The following RBFOX1 variants were observed in gnomAD, a reference collection of about 807,000 sequenced individuals.
The protein encoded by RBFOX1 is RNA binding fox-1 homolog 1.
In RBFOX1, 8 loss-of-function variants were observed where a neutral mutation model predicts 57.7. The ratio of observed to expected loss-of-function variants is 0.14; its 90% CI spans 0.08 to 0.25. RBFOX1 has a LOEUF of 0.25. RBFOX1 is among the 10% of genes least tolerant of loss of function. The pLI, the probability that RBFOX1 is intolerant of heterozygous loss-of-function variation, is 1.00. For missense variants in RBFOX1, 611 were observed against 548.5 expected, an observed-to-expected ratio of 1.11 and a Z score of -1.14; for synonymous variants, 326 against 222.4, an observed-to-expected ratio of 1.47 and a Z score of -4.15.
At chr16:7,115,503 G>A (rs7197609) in intron 4 of RBFOX1, among the ~76,000 whole-genome samples, 17,977 of 152,174 alleles carry the variant, frequency 0.12, 2,020 homozygotes, top group African/African-American at 0.3. Context: ...GCAGGTGTTG[G>A]CAGGAGCTAA....
Position 7,039,418 on chromosome 16 carries a change from A to C in RBFOX1, c.-15-12639A>C, listed in dbSNP as rs552414042. On this transcript the variant is annotated intron_variant, in intron 3 of 15. Transcript: ENST00000550418. ...GTGGGAGAGCTGGGTGTGTTCTCCA[A>C]GCTATTTTCTCAAGTGTATTTTGTT... Among the ~76,000 whole-genome samples, 346 of 152,310 alleles carry C rather than the reference A, an allele frequency of 2.3e-3. 2 individuals carry two copies. The highest frequency in any genetic ancestry group is 8.0e-3 in the African/African-American group (332 of 41,574).
chr16:7,081,361 C>T (rs1237753554), intron 4 of RBFOX1, among the ~76,000 whole-genome samples: 1 of 152,152 alleles, frequency 6.6e-6, no homozygotes, highest in Non-Finnish European at 1.5e-5. Context: ...ACATGCAGAA[C>T]ATGGTAATAG....
intron 14 of RBFOX1, among the ~76,000 whole-genome samples, chr16:7,695,631 G>A (rs369731863): frequency 1.8e-3 from 222 of 124,918 alleles, no homozygotes; most frequent in African/African-American, 3.6e-3. Context: ...CGGCCTGGAC[G>A]ACAGAGCAAG....
At position 6,419,930 on chromosome 16, in the gene RBFOX1, A is replaced by G. The variant is rs568932868; in HGVS notation, c.-64+102873A>G. Among the ~76,000 whole-genome samples, 15 of 152,280 alleles carry G rather than the reference A, an allele frequency of 9.9e-5. No individual in the cohort carries two copies. In the South Asian group the frequency reaches 2.7e-3, roughly 27 times the overall value. ...TTACTTGTTTAATGCACGGAGAGTC[A>G]AAGACATGCTGCAGGCCCCCCCATC... On this transcript the variant is annotated intron_variant, in intron 2 of 15. Transcript: ENST00000550418.
In RBFOX1 at chr16:6,614,498, T is replaced by C. The variant is rs542192060; in HGVS notation, c.-63-40105T>C. ...AGGACAAACCAATCACTGCGGAATGTTTTGTGGGTGTCCTGAGGCTGCTGT... is the reference window on the plus strand; with the variant it reads ...AGGACAAACCAATCACTGCGGAATGCTTTGTGGGTGTCCTGAGGCTGCTGT... On this transcript the variant is annotated intron_variant, in intron 2 of 15. Coordinates refer to ENST00000550418, the MANE Select transcript of RBFOX1 (RefSeq NM_018723.4). 2.6e-5 allele frequency among the ~76,000 whole-genome samples: 4 copies of C among 152,280 alleles called. No individual in the cohort carries two copies. The East Asian group carries it at 7.7e-4, about 29-fold the overall frequency.
intron 3 of RBFOX1, among the ~76,000 whole-genome samples, chr16:6,915,990 A>G (rs1044919282): frequency 6.8e-6 from 1 of 147,634 alleles, no homozygotes; most frequent in African/African-American, 2.5e-5. Flanking sequence ...TTGACATTAA[A>G]AGCTGTTTTA....
chr16:5,947,565 C>G lies in RBFOX1; in HGVS notation c.351+80230C>G, dbSNP rs1030899079. Among the ~76,000 whole-genome samples the G allele has an allele frequency of 6.6e-6, 1 of 152,186 alleles. No individual in the cohort carries two copies. Among genetic ancestry groups the G allele is most frequent in the East Asian group, 1.9e-4 (1 of 5,182 alleles). ...GTCAGACTCCTAGCCCCAAGCAATT[C>G]TCACATATCAGCCTCCCAAAGTGCT... is the stretch of plus-strand genomic sequence containing the variant. On this transcript the variant is annotated intron_variant, in intron 4 of 19. Transcript: ENST00000641259. This position sits in a 1 kb window ranked among gnomAD's most constrained non-coding sequence, Gnocchi z 7.2.
At chr16:6,246,343 C>T (rs1401118566) in intron 1 of RBFOX1, among the ~76,000 whole-genome samples, 1 of 152,106 alleles carries the variant, frequency 6.6e-6, no homozygotes, top group Non-Finnish European at 1.5e-5. Flanking sequence ...TCCAAGTAGC[C>T]AAGGAAGAGT....
intron 2 of RBFOX1, among the ~76,000 whole-genome samples, chr16:6,481,742 C>A: frequency 6.6e-6 from 1 of 152,152 alleles, no homozygotes; most frequent in East Asian, 1.9e-4. Context: ...GCATGTTCTT[C>A]ATGGCATCAT....
At chr16:6,601,834 G>A (rs1278737809) in intron 2 of RBFOX1, among the ~76,000 whole-genome samples, 1 of 152,182 alleles carries the variant, frequency 6.6e-6, no homozygotes, top group Non-Finnish European at 1.5e-5. Flanking sequence ...AATTGAAGAT[G>A]TTAAAGAGAG....
At chr16:5,451,777 C>T (rs896679253) in intron 1 of RBFOX1, among the ~76,000 whole-genome samples, 38 of 152,080 alleles carry the variant, frequency 2.5e-4, no homozygotes, top group African/African-American at 8.2e-4. Context: ...GCTCTTTTTT[C>T]GTGTACCAGG....
intron 10 of RBFOX1, chr16:7,614,916 A>G (rs1315723343): frequency 1.3e-5 from 2 of 152,216 alleles, no homozygotes; most frequent in Admixed American, 1.3e-4. Flanking sequence ...TGGTTATTAT[A>G]TAAAGGTCTT....
intron 4 of RBFOX1, among the ~76,000 whole-genome samples, chr16:7,225,135 T>C (rs1274936073): frequency 6.6e-6 from 1 of 152,178 alleles, no homozygotes; most frequent in African/African-American, 2.4e-5. Flanking sequence ...ATCACGGTCA[T>C]TGTCATTATC....
At chr16:7,502,848 C>G (rs896363495) in intron 4 of RBFOX1, among the ~76,000 whole-genome samples, 7 of 152,020 alleles carry the variant, frequency 4.6e-5, no homozygotes, top group African/African-American at 1.7e-4. Context: ...CATGGTGAAA[C>G]TCCCTGTCTA....
At chr16:5,646,027 TA>T (rs527348413) in intron 3 of RBFOX1, among the ~76,000 whole-genome samples, 2 of 151,178 alleles carry the variant, frequency 1.3e-5, no homozygotes, top group East Asian at 3.9e-4. Context: ...GTTTTTTTTT[TA>T]ATTTTTTTTT....
At chr16:7,182,393 A>C (rs1246448268) in intron 4 of RBFOX1, among the ~76,000 whole-genome samples, 1 of 152,180 alleles carries the variant, frequency 6.6e-6, no homozygotes, top group Non-Finnish European at 1.5e-5. Flanking sequence ...ATGTCCTCAC[A>C]TTGAAGCCTG....
At chr16:6,899,810 C>G (rs1157482379) in intron 3 of RBFOX1, among the ~76,000 whole-genome samples, 1 of 152,180 alleles carries the variant, frequency 6.6e-6, no homozygotes, top group East Asian at 1.9e-4. Context: ...CTTTTCATTG[C>G]AAGAGGAAAG....
chr16:7,247,479 C>T (rs2094348231), intron 4 of RBFOX1, among the ~76,000 whole-genome samples: 1 of 152,116 alleles, frequency 6.6e-6, no homozygotes, highest in South Asian at 2.1e-4. Flanking sequence ...GATAGGCACT[C>T]AGTAAATGTT....
At chr16:5,430,539 C>T (rs1009453093) in intron 1 of RBFOX1, among the ~76,000 whole-genome samples, 6 of 152,090 alleles carry the variant, frequency 3.9e-5, no homozygotes, top group Admixed American at 2.6e-4. Context: ...CATCTTGCGG[C>T]GAGCAAGGCG....
Sources: gnomAD v4.1 joint callset for allele counts (sites outside exome capture counted in the v4.1 genomes callset) on GRCh38, gnomAD v4.1.1 for gene constraint, Gnocchi (gnomAD v3.1) non-coding constraint, MANE v1.5 for transcripts, NCBI Gene and HGNC (gene_info 2026-07-23, HGNC 2026-07-21) for gene names.